MGRN1: variants seen among roughly 807,000 people sequenced by gnomAD.
MGRN1 encodes the protein E3 ubiquitin-protein ligase MGRN1.
MGRN1 carries 29 observed loss-of-function variants against 69.2 expected under a neutral mutation model. That is an observed-to-expected ratio of 0.42 (90% CI 0.31 to 0.57). The LOEUF (loss-of-function observed/expected upper bound fraction) is 0.57. Among genes scored for constraint, MGRN1 ranks in the 20% least tolerant of loss-of-function variants. The probability of loss-of-function intolerance (pLI) is 0.15; values close to 1 mark genes in which losing one functional copy is unlikely to be tolerated. For missense variants in MGRN1, 998 were observed against 796.2 expected, an observed-to-expected ratio of 1.25 and a Z score of -3.05; for synonymous variants, 470 against 344.2, an observed-to-expected ratio of 1.37 and a Z score of -4.04.
At chr16:4,625,079 AG>A in intron 1 of MGRN1, 31 bp downstream of exon 1, 1 of 1,505,184 alleles carries the variant, frequency 6.6e-7, no homozygotes, top group Non-Finnish European at 8.9e-7. Context: ...GCGGACTGCT[AG>A]GCACGCGCTG....
In MGRN1 at chr16:4,689,037, T is replaced by G; in HGVS notation, c.*129T>G. 2 of 1,268,062 alleles carry G rather than the reference T, an allele frequency of 1.6e-6. No homozygotes were observed. The highest frequency in any genetic ancestry group is 2.1e-6 in the Non-Finnish European group (2 of 948,314). 78.6% of individuals were successfully genotyped at this position (1,268,062 alleles called of 1,614,324 possible). ...GTGGCCACCAGGCTCCGAGGGGCCGTGGTGACTCTTGATCAAAGAGCACAG... is the reference window on the plus strand; with the variant it reads ...GTGGCCACCAGGCTCCGAGGGGCCGGGGTGACTCTTGATCAAAGAGCACAG... On this transcript the variant is annotated 3_prime_UTR_variant, in exon 17 of 17. Transcript: ENST00000262370.
intron 9 of MGRN1, chr16:4,672,366 C>G (rs1366031372): frequency 4.4e-6 from 2 of 456,716 alleles, no homozygotes; most frequent in South Asian, 1.5e-5. Context: ...TGTTAAAAGG[C>G]ACACTGACAT....
chr16:4,672,094 C>T (rs2078950306), intron 9 of MGRN1, among the ~76,000 whole-genome samples: 1 of 152,096 alleles, frequency 6.6e-6, no homozygotes, highest in Admixed American at 6.6e-5. Flanking sequence ...TTAGTAGCGA[C>T]GGGGTTTCAC....
In MGRN1 at chr16:4,680,070, G is replaced by A. The variant is rs1247254736; in HGVS notation, c.1104G>A (p.Leu368=). The change falls in exon 12 of 17, where the codon CTG becomes CTA. Residue 368 remains leucine, a synonymous_variant. Transcript: ENST00000262370. ...AATCAAAGCCGCACCCCGCCTCCCT[G>A]GCCAGCAAGAAACCTAAAAGGGAAA... ...FKKSKPHPAS[L]ASKKPKRETN... 6.2e-7 allele frequency: 1 copy of A among 1,614,074 alleles called. No homozygotes were observed. The highest frequency in any genetic ancestry group is 8.5e-7 in the Non-Finnish European group (1 of 1,179,966).
At chr16:4,685,231 A>G (rs1295590845) in intron 16 of MGRN1, among the ~76,000 whole-genome samples, 1 of 152,248 alleles carries the variant, frequency 6.6e-6, no homozygotes, top group African/African-American at 2.4e-5. Flanking sequence ...AAGAGGCCAG[A>G]AGGACCTCAG....
rs547761283 is a variant in MGRN1, at chr16:4,676,755, G to C, written c.956-708G>C. On this transcript the variant is annotated intron_variant, in intron 10 of 16. Coordinates refer to ENST00000262370, the MANE Select transcript of MGRN1 (RefSeq NM_015246.4). ...AGCCTGTGGGGCCCTTGTGTGAGCA[G>C]GACTGGCACTGTGGGATGACAGGGC... 3.9e-5 allele frequency among the ~76,000 whole-genome samples: 6 copies of C among 152,304 alleles called. No individual in the cohort carries two copies. In the South Asian group the frequency reaches 1.2e-3, roughly 32 times the overall value.
chr16:4,675,171 C>T (rs925184976), intron 10 of MGRN1, among the ~76,000 whole-genome samples: 6 of 151,816 alleles, frequency 4.0e-5, no homozygotes, highest in Non-Finnish European at 8.8e-5. Context: ...TGGGGTTTTA[C>T]ATTGTTGCCC....
intron 9 of MGRN1, among the ~76,000 whole-genome samples, chr16:4,673,060 G>T (rs978818452): frequency 6.6e-6 from 1 of 151,860 alleles, no homozygotes; most frequent in Non-Finnish European, 1.5e-5. Flanking sequence ...GGATGGTCTC[G>T]ATCTCCTGAC....
intron 1 of MGRN1, among the ~76,000 whole-genome samples, chr16:4,638,244 A>AGT (rs1405402127): frequency 5.7e-4 from 87 of 152,102 alleles, no homozygotes; most frequent in Admixed American, 1.0e-3. Context: ...AGGCGGGTGG[A>AGT]TTACGAGGTC....
chr16:4,686,096 C>T (rs1264067249), intron 16 of MGRN1, among the ~76,000 whole-genome samples: 2 of 150,790 alleles, frequency 1.3e-5, no homozygotes, highest in Non-Finnish European at 3.0e-5. Flanking sequence ...TGCGCTCTGC[C>T]TCCCAGCTGT....
chr16:4,686,450 C>T (rs2079321159), intron 16 of MGRN1: 2 of 1,426,546 alleles, frequency 1.4e-6, no homozygotes, highest in African/African-American at 2.9e-5. Flanking sequence ...ATTCCGAATC[C>T]AGAGCTCTCC....
Position 4,624,966 on chromosome 16 carries a change from C to G in MGRN1, c.6C>G (p.Gly2=), listed in dbSNP as rs571595429. The change falls in exon 1 of 17, where the codon GGC becomes GGG. Residue 2 remains glycine, a synonymous_variant. Transcript: ENST00000262370. Reference sequence around the variant, plus strand: ...GCCCGGCAGCGCCGCGCACCATGGGCTCCATTCTCAGCCGCCGCATCGCGG... The same window carrying G: ...GCCCGGCAGCGCCGCGCACCATGGGGTCCATTCTCAGCCGCCGCATCGCGG... M[G]SILSRRIAGV... 1 of 1,551,142 alleles carries G rather than the reference C, an allele frequency of 6.4e-7. No individual in the cohort carries two copies. Among genetic ancestry groups the G allele is most frequent in the Admixed American group, 1.9e-5 (1 of 52,356 alleles).
At chr16:4,687,990 C>T (rs1596323781) in intron 16 of MGRN1, 1 of 985,514 alleles carries the variant, frequency 1.0e-6, no homozygotes, top group Non-Finnish European at 1.2e-6. Flanking sequence ...GTGCGAATGT[C>T]ACGATTCAGG....
chr16:4,652,874 C>G (rs1423305964), intron 4 of MGRN1, 50 bp downstream of exon 4: 1 of 1,530,410 alleles, frequency 6.5e-7, no homozygotes, highest in South Asian at 1.2e-5. Context: ...CCCCAGACTC[C>G]TGGGGGAGGC....
At chr16:4,670,176 G>A (rs985260554) in intron 8 of MGRN1, among the ~76,000 whole-genome samples, 3 of 148,916 alleles carry the variant, frequency 2.0e-5, no homozygotes, top group Admixed American at 6.6e-5. Context: ...GTGATTTCTC[G>A]TTCAGGCTCC....
At chr16:4,640,829 A>C (rs546819759) in intron 1 of MGRN1, among the ~76,000 whole-genome samples, 1 of 152,176 alleles carries the variant, frequency 6.6e-6, no homozygotes, top group Non-Finnish European at 1.5e-5. Context: ...GGTGCCCAGC[A>C]CAGAGACTGA....
rs1409699391 is a variant in MGRN1 at position 4,673,641 on chromosome 16, C to T, written c.939C>T (p.Cys313=). Residue 313 remains cysteine (C), a synonymous_variant, in exon 10 of 17, where the codon TGC becomes TGT. Transcript: ENST00000262370. The part of the protein sequence containing the change: ...ADTLRYQANN[C]PICRLPFRAL... ...CGCTGCGCTACCAGGCCAACAACTGCCCCATCTGCCGGCTGCGTGAGTTCC... is the reference window on the plus strand; with the variant it reads ...CGCTGCGCTACCAGGCCAACAACTGTCCCATCTGCCGGCTGCGTGAGTTCC... The T allele has an allele frequency of 2.5e-6, 4 of 1,613,056 alleles. No individual in the cohort carries two copies. The highest frequency in any genetic ancestry group is 3.4e-6 in the Non-Finnish European group (4 of 1,179,794).
chr16:4,671,322 C>T lies in MGRN1; in HGVS notation c.727-69C>T, dbSNP rs183369101. ...TGGTAAGTTGGAGGCAGGGCTAGGCCAGGTGGGTATGGAGGAGCCCTCATA... is the reference window on the plus strand; with the variant it reads ...TGGTAAGTTGGAGGCAGGGCTAGGCTAGGTGGGTATGGAGGAGCCCTCATA... On this transcript the variant is annotated intron_variant, in intron 8 of 16. Transcript: ENST00000262370. The T allele has an allele frequency of 3.4e-5, 51 of 1,496,026 alleles. No individual in the cohort carries two copies. In the African/African-American group the frequency reaches 6.3e-4, roughly 19 times the overall value. The allele number at this position is 1,496,026 out of a possible 1,614,324, so 92.7% of individuals were successfully genotyped here.
At chr16:4,625,091 G>A (rs751065452) in intron 1 of MGRN1, 43 bp downstream of exon 1, 2 of 1,485,790 alleles carry the variant, frequency 1.3e-6, no homozygotes, top group Non-Finnish European at 1.8e-6. Flanking sequence ...GCACGCGCTG[G>A]AACGCGGACC....
Sources: gnomAD v4.1 joint callset for allele counts (sites outside exome capture counted in the v4.1 genomes callset) on GRCh38, gnomAD v4.1.1 for gene constraint, MANE v1.5 for transcripts, NCBI Gene and HGNC (gene_info 2026-07-23, HGNC 2026-07-21) for gene names.